KCNK2: variants seen among roughly 807,000 people sequenced by gnomAD.
The protein encoded by KCNK2 is potassium channel subfamily K member 2.
In KCNK2, 21 loss-of-function variants were observed where a neutral mutation model predicts 40.5. The observed-to-expected ratio is 0.52, with a 90% confidence interval of 0.37 to 0.75. The LOEUF (loss-of-function observed/expected upper bound fraction) is 0.75. Ranked by LOEUF, KCNK2 falls within the 30% of genes least tolerant of loss-of-function variation. The pLI, the probability that KCNK2 is intolerant of heterozygous loss-of-function variation, is 0.00. For synonymous variants in KCNK2, 191 were observed against 202.2 expected, an observed-to-expected ratio of 0.94 and a Z score of 0.47; for missense variants, 399 against 531.6, an observed-to-expected ratio of 0.75 and a Z score of 2.45.
rs776218980 is a variant in KCNK2 at position 215,169,352 on chromosome 1, C to T, written c.629C>T (p.Thr210Met). Residue 210 changes from threonine to methionine, a missense_variant, in exon 4 of 7, where the codon ACG becomes ATG. This residue lies in a region of KCNK2 where 279 missense variants were observed against 353.8 expected (regional missense o/e 0.79). Coordinates refer to ENST00000444842, the MANE Select transcript of KCNK2 (RefSeq NM_001017425.3). ...FGKGIAKVED[T>M]FIKWNVSQTK... ...AAAGGAATTGCCAAAGTGGAAGATA[C>T]GTTTATTGTGAGTATGATAGATATT... 4.4e-6 allele frequency: 7 copies of T among 1,607,524 alleles called. No individual in the cohort carries two copies. The highest frequency in any genetic ancestry group is 3.4e-5 in the Admixed American group (2 of 59,212).
intron 1 of KCNK2, among the ~76,000 whole-genome samples, chr1:215,068,840 T>G: frequency 6.6e-6 from 1 of 151,536 alleles, no homozygotes; most frequent in East Asian, 2.1e-4. Flanking sequence ...GCCCTTATTG[T>G]GTTTATTTGT....
chr1:215,039,328 T>C (rs1657487640), intron 1 of KCNK2, among the ~76,000 whole-genome samples: 1 of 152,156 alleles, frequency 6.6e-6, no homozygotes, highest in Non-Finnish European at 1.5e-5. Context: ...TCTTGAAAGA[T>C]GAAGGGTAGC....
intron 3 of KCNK2, among the ~76,000 whole-genome samples, chr1:215,167,507 C>T (rs1340736359): frequency 6.6e-6 from 1 of 152,052 alleles, no homozygotes; most frequent in African/African-American, 2.4e-5. Context: ...TATGTGTAGA[C>T]AGTGCTTCTG....
At chr1:215,142,845 G>C (rs1662243462) in intron 3 of KCNK2, among the ~76,000 whole-genome samples, 1 of 151,550 alleles carries the variant, frequency 6.6e-6, no homozygotes, top group Non-Finnish European at 1.5e-5. Context: ...TTGTTTTGTT[G>C]ATTTCTTGCT....
chr1:215,187,608 C>T (rs1171537221), intron 5 of KCNK2, among the ~76,000 whole-genome samples: 1 of 151,658 alleles, frequency 6.6e-6, no homozygotes. Flanking sequence ...AATTACCCAA[C>T]CTAACACAAT....
At chr1:215,127,790 T>C (rs919814487) in intron 3 of KCNK2, among the ~76,000 whole-genome samples, 4 of 152,240 alleles carry the variant, frequency 2.6e-5, no homozygotes, top group Non-Finnish European at 5.9e-5. Flanking sequence ...ATAATTATTT[T>C]TGAAACTAAA....
At chr1:215,163,155 G>A (rs539459101) in intron 3 of KCNK2, among the ~76,000 whole-genome samples, 3 of 152,130 alleles carry the variant, frequency 2.0e-5, no homozygotes, top group South Asian at 2.1e-4. Context: ...TCCATTGTAA[G>A]TTGTATTCCT....
At chr1:215,114,001 T>C (rs1299961338) in intron 2 of KCNK2, among the ~76,000 whole-genome samples, 1 of 152,208 alleles carries the variant, frequency 6.6e-6, no homozygotes, top group Non-Finnish European at 1.5e-5. Context: ...TTCATGCCTC[T>C]TCTGAATCCT....
In KCNK2 at chr1:215,067,566, A is replaced by C. The variant is rs1047390569; in HGVS notation, c.35-18802A>C. 3.3e-5 allele frequency among the ~76,000 whole-genome samples: 5 copies of C among 152,196 alleles called. 1 individual carries two copies. In the South Asian group the frequency reaches 8.3e-4, roughly 25 times the overall value. ...AGAAGACTTTGAGGAAATCTAGGTC[A>C]GAGTCATGGCAAAAAAATCATCACA... On this transcript the variant is annotated intron_variant, in intron 1 of 6. Coordinates refer to the KCNK2 transcript ENST00000391895.
chr1:215,129,732 A>T (rs887269206), intron 3 of KCNK2, among the ~76,000 whole-genome samples: 1 of 152,126 alleles, frequency 6.6e-6, no homozygotes, highest in Non-Finnish European at 1.5e-5. Context: ...GGTTAGAGAG[A>T]TAAGAGGCAG....
chr1:215,121,071 G>GA (rs1197938010), intron 2 of KCNK2, among the ~76,000 whole-genome samples: 1 of 152,132 alleles, frequency 6.6e-6, no homozygotes, highest in Admixed American at 6.5e-5. Context: ...GCTCTGGAAA[G>GA]ACTGTTCAGT....
In KCNK2 at chr1:215,194,990, T is replaced by G. The variant is rs1314880376; in HGVS notation, c.861T>G (p.Pro287=). 1 of 1,613,390 alleles carries G rather than the reference T, an allele frequency of 6.2e-7. No individual in the cohort carries two copies. The highest frequency in any genetic ancestry group is 1.7e-5 in the Admixed American group (1 of 59,956). ...SDIEYLDFYK[P]VVWFWILVGL... is the part of the protein sequence containing the mutation. The stretch of plus-strand genomic sequence containing the variant: ...TTGAATATCTGGACTTCTATAAGCC[T>G]GTCGTGTGGTTCTGGATCCTTGTAG... The change falls in exon 6 of 7, where the codon CCT becomes CCG. Residue 287 remains proline (P), a synonymous_variant. Coordinates refer to ENST00000444842, the MANE Select transcript of KCNK2 (RefSeq NM_001017425.3).
At chr1:215,187,342 T>G (rs1358468624) in intron 5 of KCNK2, among the ~76,000 whole-genome samples, 1 of 152,214 alleles carries the variant, frequency 6.6e-6, no homozygotes, top group African/African-American at 2.4e-5. Flanking sequence ...CTCTACGTTC[T>G]GTTTCCTAAC....
intron 2 of KCNK2, among the ~76,000 whole-genome samples, chr1:215,117,922 A>G (rs531959584): frequency 8.5e-5 from 13 of 152,264 alleles, no homozygotes; most frequent in Admixed American, 7.9e-4. Context: ...CAGCCCAATC[A>G]TTAAGACTGC....
chr1:215,035,478 G>T (rs1422537782), intron 1 of KCNK2, among the ~76,000 whole-genome samples: 1 of 151,848 alleles, frequency 6.6e-6, no homozygotes, highest in Non-Finnish European at 1.5e-5. Flanking sequence ...CTATCGTTTT[G>T]CCCTTTTCAT....
At chr1:215,140,606 G>C (rs1283336359) in intron 3 of KCNK2, among the ~76,000 whole-genome samples, 1 of 152,126 alleles carries the variant, frequency 6.6e-6, no homozygotes, top group Non-Finnish European at 1.5e-5. Context: ...ACATAGAAAA[G>C]ATGCACAAAA....
chr1:215,217,138 T>C (rs897582000), intron 6 of KCNK2, among the ~76,000 whole-genome samples: 10 of 152,230 alleles, frequency 6.6e-5, no homozygotes, highest in African/African-American at 2.4e-4. Flanking sequence ...TTTCTTTTGC[T>C]GCCTGGGTAT....
chr1:215,005,892 C>T (rs750854866), exon 1 of KCNK2: 1 of 1,608,754 alleles, frequency 6.2e-7, no homozygotes, highest in Non-Finnish European at 8.5e-7. Flanking sequence ...AGATCAAAAG[C>T]ATGATGACTC....
At chr1:215,067,783 T>C (rs1269843850) in intron 1 of KCNK2, among the ~76,000 whole-genome samples, 1 of 152,108 alleles carries the variant, frequency 6.6e-6, no homozygotes, top group East Asian at 1.9e-4. Context: ...GGAGAATTGC[T>C]TGAACCCAGG....
Sources: gnomAD v4.1 joint callset for allele counts (sites outside exome capture counted in the v4.1 genomes callset) on GRCh38, gnomAD v4.1.1 for gene constraint, gnomAD v4.1.1 regional missense constraint, MANE v1.5 for transcripts, NCBI Gene and HGNC (gene_info 2026-07-23, HGNC 2026-07-21) for gene names.